The following OPN3 variants were observed in gnomAD, a reference collection of about 807,000 sequenced individuals.
OPN3 encodes the protein opsin-3.
A neutral mutation model predicts 33.8 loss-of-function variants in OPN3; 29 were observed. That is an observed-to-expected ratio of 0.86 (90% confidence interval 0.64 to 1.17). The LOEUF (loss-of-function observed/expected upper bound fraction) is 1.17. Among genes scored for constraint, OPN3 ranks in the 50% most tolerant of loss-of-function variants. The pLI, the probability that OPN3 is intolerant of heterozygous loss-of-function variation, is 0.00. For synonymous variants in OPN3, 216 were observed against 216.1 expected (o/e 1.00, Z 0.00); for missense variants, 437 against 514.1 (o/e 0.85, Z 1.45).
intron 1 of OPN3, among the ~76,000 whole-genome samples, chr1:241,621,001 C>T (rs1190103447): frequency 6.6e-6 from 1 of 152,004 alleles, no homozygotes; most frequent in Non-Finnish European, 1.5e-5. Flanking sequence ...AAACTGTGAA[C>T]AAAAGGATGG....
chr1:241,633,867 C>G (rs776566714), intron 1 of OPN3: 1 of 1,613,744 alleles, frequency 6.2e-7, no homozygotes, highest in South Asian at 1.1e-5. Context: ...TTGGCCATTA[C>G]TACATTATTG....
intron 1 of OPN3, among the ~76,000 whole-genome samples, chr1:241,613,715 A>G (rs1260194084): frequency 6.6e-6 from 1 of 152,204 alleles, no homozygotes; most frequent in East Asian, 1.9e-4. Flanking sequence ...CCAAAGTGGT[A>G]GTTGGTTTTT....
intron 3 of OPN3, among the ~76,000 whole-genome samples, chr1:241,595,998 G>C (rs988101682): frequency 1.3e-5 from 2 of 152,170 alleles, no homozygotes; most frequent in African/African-American, 2.4e-5. Flanking sequence ...CCTGTTTAAA[G>C]TATGCCCTTA....
At chr1:241,632,583 T>C (rs1456910813) in intron 1 of OPN3, 1 of 152,128 alleles carries the variant, frequency 6.6e-6, no homozygotes, top group Non-Finnish European at 1.5e-5. Context: ...ACCAGTTTTA[T>C]GACGTTGGGT....
At chr1:241,596,170 G>C (rs1663502555) in intron 3 of OPN3, among the ~76,000 whole-genome samples, 1 of 151,732 alleles carries the variant, frequency 6.6e-6, no homozygotes, top group African/African-American at 2.4e-5. Context: ...TTGGCTGAGA[G>C]AAAGAGTGCA....
At position 241,597,935 on chromosome 1, in the gene OPN3, T is replaced by C. The variant is rs778240467; in HGVS notation, c.756A>G (p.Lys252=). The change falls in exon 3 of 4, where the codon AAA becomes AAG. Residue 252 remains lysine, a synonymous_variant. Transcript: ENST00000366554. ...TCATTAAAAAGCACATTTTGGCCAG[T>C]TTCTTTTCATATTTTAAAATCTTGA... The part of the protein sequence containing the change: ...QVIKILKYEK[K]LAKMCFLMIF... 42 of 1,613,568 alleles carry C rather than the reference T, an allele frequency of 2.6e-5. No homozygotes were observed. The Admixed American group carries it at 7.0e-4, about 27-fold the overall frequency.
chr1:241,604,449 C>T lies in OPN3; in HGVS notation c.504G>A (p.Trp168Ter). The part of the protein sequence containing the change: ...ITYIWLYSLA[W>*]AGAPLLGWNR... ...TCCATCCCAGGAGAGGTGCTCCTGC[C>T]CACGCCAGTGAGTAGAGCCAGATGT... Residue 168 changes from tryptophan (W) to a stop codon, truncating the protein, a stop_gained, in exon 2 of 4, where the codon TGG becomes TGA. Coordinates refer to ENST00000366554, the MANE Select transcript of OPN3 (RefSeq NM_014322.3). LOFTEE classifies it high-confidence loss of function. The T allele has an allele frequency of 6.2e-7, 1 of 1,614,114 alleles. No homozygotes were observed. Among genetic ancestry groups the T allele is most frequent in the African/African-American group, 1.3e-5 (1 of 75,024 alleles).
At position 241,635,962 on chromosome 1, in the gene OPN3, A is replaced by G. The variant is rs549653104; in HGVS notation, c.373+3920T>C. ...GTAGCATAAAAACATGAGCAAGTAC[A>G]TCTAATCACATCTGAGAATACTAAA... On this transcript the variant is annotated intron_variant, in intron 1 of 3. Transcript: ENST00000366554. 35 of 571,144 alleles carry G rather than the reference A, an allele frequency of 6.1e-5. No individual in the cohort carries two copies. In the African/African-American group the frequency reaches 6.4e-4, roughly 11 times the overall value. 35.4% of individuals were successfully genotyped at this position (571,144 alleles called of 1,614,324 possible). A position where few individuals can be genotyped will look rare whatever the true frequency, so the allele number is the denominator to read the frequency against.
At chr1:241,628,942 C>T (rs1573964684) in intron 1 of OPN3, 1 of 152,536 alleles carries the variant, frequency 6.6e-6, no homozygotes, top group South Asian at 2.1e-4. Flanking sequence ...TAATGTTAAA[C>T]TGAATTACAT....
intron 2 of OPN3, among the ~76,000 whole-genome samples, chr1:241,602,342 T>C (rs1322530830): frequency 1.3e-5 from 2 of 152,158 alleles, no homozygotes; most frequent in African/African-American, 2.4e-5. Flanking sequence ...TGGGATCACA[T>C]ATCTGGGAGC....
At chr1:241,635,976 G>T in intron 1 of OPN3, 1 of 530,258 alleles carries the variant, frequency 1.9e-6, no homozygotes, top group South Asian at 3.2e-5. Context: ...AATCACATCT[G>T]AGAATACTAA....
chr1:241,626,301 CG>C (rs566455630), intron 1 of OPN3, among the ~76,000 whole-genome samples: 3 of 151,988 alleles, frequency 2.0e-5, no homozygotes, highest in Non-Finnish European at 2.9e-5. Flanking sequence ...CAAATCGTTG[CG>C]GGGGGGTACC....
chr1:241,612,670 T>C (rs1664028326), intron 1 of OPN3, among the ~76,000 whole-genome samples: 1 of 152,232 alleles, frequency 6.6e-6, no homozygotes, highest in African/African-American at 2.4e-5. Context: ...AACTGCTCTA[T>C]GGATAACAGC....
At chr1:241,631,361 G>A (rs891598902) in intron 1 of OPN3, 1 of 151,330 alleles carries the variant, frequency 6.6e-6, no homozygotes, top group African/African-American at 2.4e-5. Context: ...AAATCTTTTC[G>A]GTAGATCTGG....
At chr1:241,631,681 G>C (rs1246716325) in intron 1 of OPN3, 2 of 152,092 alleles carry the variant, frequency 1.3e-5, no homozygotes, top group Admixed American at 1.3e-4. Flanking sequence ...CATGAGATGT[G>C]TTACTGAAGA....
chr1:241,605,132 C>T (rs1275286081), intron 1 of OPN3, among the ~76,000 whole-genome samples: 1 of 151,578 alleles, frequency 6.6e-6, no homozygotes, highest in East Asian at 1.9e-4. Context: ...AAATTAAAAG[C>T]CCTAAATCAG....
intron 1 of OPN3, among the ~76,000 whole-genome samples, chr1:241,610,848 G>A (rs1225368271): frequency 6.6e-6 from 1 of 152,074 alleles, no homozygotes; most frequent in Non-Finnish European, 1.5e-5. Flanking sequence ...CTGTGACCAT[G>A]GGAAAATTAA....
intron 1 of OPN3, chr1:241,630,413 C>A (rs919116915): frequency 6.6e-6 from 1 of 152,046 alleles, no homozygotes; most frequent in Non-Finnish European, 1.5e-5. Flanking sequence ...TAACCAAACA[C>A]ACTTTTTAAA....
intron 2 of OPN3, among the ~76,000 whole-genome samples, chr1:241,602,953 G>C (rs1403553332): frequency 2.6e-5 from 4 of 152,194 alleles, no homozygotes; most frequent in African/African-American, 9.7e-5. Context: ...GTCACCAATG[G>C]TTCTTTGAGT....
Sources: allele counts gnomAD v4.1 joint callset (sites outside exome capture counted in the v4.1 genomes callset), GRCh38; gene constraint gnomAD v4.1.1; transcripts MANE v1.5; gene names NCBI Gene and HGNC (gene_info 2026-07-23, HGNC 2026-07-21).